CCDC50: variants seen among roughly 807,000 people sequenced by gnomAD.
The protein encoded by CCDC50 is coiled-coil domain containing 50, also known as coiled-coil domain-containing protein 50.
A neutral mutation model predicts 70.2 loss-of-function variants in CCDC50; 54 were observed. The observed-to-expected ratio is 0.77, with a 90% CI of 0.62 to 0.96. The LOEUF (loss-of-function observed/expected upper bound fraction) is 0.96. Ranked by LOEUF, CCDC50 falls within the 50% of genes least tolerant of loss-of-function variation. The pLI, the probability that CCDC50 is intolerant of heterozygous loss-of-function variation, is 0.00. For synonymous variants in CCDC50, 216 were observed against 198.8 expected (o/e 1.09, Z -0.73); for missense variants, 558 against 578.7 (o/e 0.96, Z 0.37).
intron 5 of CCDC50, among the ~76,000 whole-genome samples, chr3:191,374,426 G>C (rs1713018696): frequency 6.6e-6 from 1 of 151,934 alleles, no homozygotes; most frequent in Non-Finnish European, 1.5e-5. Context: ...CAGATAACAG[G>C]GTCATGAACT....
At chr3:191,379,240 T>C (rs1560169637) in intron 6 of CCDC50, among the ~76,000 whole-genome samples, 1 of 151,996 alleles carries the variant, frequency 6.6e-6, no homozygotes, top group Non-Finnish European at 1.5e-5. Context: ...CTGTGGGGGT[T>C]GGGGCAAATA....
rs1713047216 is a variant in CCDC50 at position 191,375,072 on chromosome 3, G to T, written c.459G>T (p.Gly153=). Residue 153 remains glycine (G), a synonymous_variant, in exon 6 of 12, where the codon GGG becomes GGT. Coordinates refer to ENST00000392455, the MANE Select transcript of CCDC50 (RefSeq NM_178335.3). ...TCTGCCTCCACTCAGACCAACCAGG[G>T]TCAAGGAGGGCCAGGGAATTGGGTT... ...SYYYEDGDQP[G]SRRARELGSG... The T allele has an allele frequency of 6.2e-7, 1 of 1,613,218 alleles. No homozygotes were observed. Among genetic ancestry groups the T allele is most frequent in the Non-Finnish European group, 8.5e-7 (1 of 1,179,624 alleles).
chr3:191,342,228 G>C (rs1711756479), intron 1 of CCDC50, among the ~76,000 whole-genome samples: 2 of 152,192 alleles, frequency 1.3e-5, no homozygotes, highest in Non-Finnish European at 2.9e-5. Flanking sequence ...TATCAGAATG[G>C]AATTGCCAGT....
rs1485486601 is a variant in CCDC50, at chr3:191,392,676, T to C, written c.*916T>C. 1 of 152,242 alleles carries C rather than the reference T, an allele frequency of 6.6e-6. No homozygotes were observed. The highest frequency in any genetic ancestry group is 6.5e-5 in the Admixed American group (1 of 15,284). The allele number at this position is 152,242 out of a possible 1,614,324, so 9.4% of individuals were successfully genotyped here. ...TTGGTTTACATGCCAGTAATTAAAT[T>C]AATTCAACATGAAGTTGAATTTGAT... On this transcript the variant is annotated 3_prime_UTR_variant, in exon 12 of 12. Coordinates refer to ENST00000392455, the MANE Select transcript of CCDC50 (RefSeq NM_178335.3).
At position 191,396,214 on chromosome 3, in the gene CCDC50, A is replaced by T. The variant is rs965862895; in HGVS notation, c.*4454A>T. ...TATGCCAGCACTGTTTGTGAGGAGC[A>T]GTACTGCCTTAAATTAGTTTGACTC... On this transcript the variant is annotated 3_prime_UTR_variant, in exon 12 of 12. Coordinates refer to ENST00000392455, the MANE Select transcript of CCDC50 (RefSeq NM_178335.3). The T allele has an allele frequency of 2.6e-5, 4 of 152,204 alleles. No individual in the cohort carries two copies. The highest frequency in any genetic ancestry group is 9.6e-5 in the African/African-American group (4 of 41,458). The allele number at this position is 152,204 out of a possible 1,614,324, so 9.4% of individuals were successfully genotyped here. A position where few individuals can be genotyped will look rare whatever the true frequency, so the allele number is the denominator to read the frequency against.
At chr3:191,381,523 G>A (rs76029085) in intron 9 of CCDC50, among the ~76,000 whole-genome samples, 3 of 152,124 alleles carry the variant, frequency 2.0e-5, no homozygotes, top group African/African-American at 7.2e-5. Context: ...ATTTTGCTGC[G>A]GTAATTGTGA....
chr3:191,366,917 GATA>G (rs1392146812), intron 4 of CCDC50, among the ~76,000 whole-genome samples: 4 of 152,018 alleles, frequency 2.6e-5, no homozygotes, highest in Admixed American at 2.6e-4. Flanking sequence ...TACTGTGACT[GATA>G]ATTGCCATCG....
In CCDC50 at chr3:191,354,741, T is replaced by C. The variant is rs60204557; in HGVS notation, c.50-2347T>C. Among the ~76,000 whole-genome samples, 2 of 152,094 alleles carry C rather than the reference T, an allele frequency of 1.3e-5. 1 individual carries two copies. Among genetic ancestry groups the C allele is most frequent in the South Asian group, 4.1e-4 (2 of 4,830 alleles). On this transcript the variant is annotated intron_variant, in intron 1 of 11. Coordinates refer to ENST00000392455, the MANE Select transcript of CCDC50 (RefSeq NM_178335.3). ...CTGTACTGTGTGTGATTTATACTAG[T>C]CCCTTCGTATTTGTGGGGTGGGGTG...
intron 4 of CCDC50, among the ~76,000 whole-genome samples, chr3:191,368,506 A>G (rs960570586): frequency 7.9e-5 from 12 of 152,104 alleles, no homozygotes; most frequent in Non-Finnish European, 1.3e-4. Context: ...AGCTGAGGAT[A>G]TGGATAAATA....
chr3:191,361,513 A>G (rs560299627), intron 4 of CCDC50, among the ~76,000 whole-genome samples: 3 of 152,272 alleles, frequency 2.0e-5, no homozygotes, highest in African/African-American at 7.2e-5. Flanking sequence ...CCTCTTGGGA[A>G]GGATCCTTCC....
intron 11 of CCDC50, 128 bp downstream of exon 11, chr3:191,389,730 A>G (rs1576977895): frequency 2.8e-6 from 2 of 720,848 alleles, no homozygotes; most frequent in East Asian, 5.2e-5. Context: ...GCACATTGTT[A>G]TAGAACTCCT....
At chr3:191,379,982 C>T (rs1263148428) in intron 6 of CCDC50, among the ~76,000 whole-genome samples, 177 bp from the exon 7 acceptor site, 3 of 152,024 alleles carry the variant, frequency 2.0e-5, no homozygotes, top group Non-Finnish European at 2.9e-5. Flanking sequence ...ATCTACATTG[C>T]CACTTCCATT....
At position 191,392,687 on chromosome 3, in the gene CCDC50, GA is replaced by G. The variant is rs1204399858; in HGVS notation, c.*929del. On this transcript the variant is annotated 3_prime_UTR_variant, in exon 12 of 12. Coordinates refer to ENST00000392455, the MANE Select transcript of CCDC50 (RefSeq NM_178335.3). ...GCCAGTAATTAAATTAATTCAACAT[GA>G]AGTTGAATTTGATGAAGTGGTCATC... The G allele has an allele frequency of 1.3e-5, 2 of 152,186 alleles. No individual in the cohort carries two copies. The highest frequency in any genetic ancestry group is 2.9e-5 in the Non-Finnish European group (2 of 68,046). 9.4% of individuals were successfully genotyped at this position (152,186 alleles called of 1,614,324 possible).
chr3:191,345,785 T>A (rs1034912204), intron 1 of CCDC50, among the ~76,000 whole-genome samples: 1 of 152,230 alleles, frequency 6.6e-6, no homozygotes, highest in African/African-American at 2.4e-5. Flanking sequence ...TACGTGAGAA[T>A]GAAATGTTGG....
rs201801914 is a variant in CCDC50 at position 191,375,499 on chromosome 3, C to T, written c.886C>T (p.His296Tyr). The change falls in exon 6 of 12, where the codon CAT (histidine) becomes TAT (tyrosine). Residue 296 changes from histidine (H) to tyrosine (Y), a missense_variant. By Grantham distance (83) the His-to-Tyr change is moderately conservative (BLOSUM62 2). Coordinates refer to ENST00000392455, the MANE Select transcript of CCDC50 (RefSeq NM_178335.3). ...CAAGGAAGTTGTATATGGGAGGGAC[C>T]ATGGGCAAGGTGAGCACAGAAAAAG... ...HCKEVVYGRD[H>Y]GQGEHRKRRH... 6.2e-7 allele frequency: 1 copy of T among 1,613,534 alleles called. No individual in the cohort carries two copies. Among genetic ancestry groups the T allele is most frequent in the African/African-American group, 1.3e-5 (1 of 74,966 alleles).
chr3:191,357,081 A>G lies in CCDC50; in HGVS notation c.50-7A>G, dbSNP rs1163045631. ...CTTCCTGTCTGTTTTTCCTCCATCTACTCTAGTATGCCGAGATTTTGCTGT... is the reference window on the plus strand; with the variant it reads ...CTTCCTGTCTGTTTTTCCTCCATCTGCTCTAGTATGCCGAGATTTTGCTGT... On this transcript the variant is annotated splice_region_variant and splice_polypyrimidine_tract_variant and intron_variant, in intron 1 of 11. Coordinates refer to ENST00000392455, the MANE Select transcript of CCDC50 (RefSeq NM_178335.3). 4 of 1,597,964 alleles carry G rather than the reference A, an allele frequency of 2.5e-6. No homozygotes were observed. Among genetic ancestry groups the G allele is most frequent in the Admixed American group, 1.7e-5 (1 of 59,920 alleles).
intron 1 of CCDC50, among the ~76,000 whole-genome samples, chr3:191,349,826 G>T (rs1355151181): frequency 2.8e-5 from 4 of 140,772 alleles, no homozygotes; most frequent in African/African-American, 1.0e-4. Flanking sequence ...AAGTAAACTA[G>T]GTCTCATTTT....
chr3:191,340,998 T>TA (rs1711708897), intron 1 of CCDC50, among the ~76,000 whole-genome samples: 1 of 151,796 alleles, frequency 6.6e-6, no homozygotes, highest in Non-Finnish European at 1.5e-5. Context: ...ATTAATTTTT[T>TA]TTTTTTTGGT....
rs571405310 is a variant in CCDC50 at position 191,350,255 on chromosome 3, G to T, written c.50-6833G>T. Among the ~76,000 whole-genome samples the T allele has an allele frequency of 1.2e-4, 17 of 141,848 alleles. 3 individuals are homozygous for T. In the South Asian group the frequency reaches 2.9e-3, roughly 24 times the overall value. 93.1% of individuals were successfully genotyped at this position (141,848 alleles called of 152,430 possible). ...TTACCAAACTTTCACAAGACAAAATGTATCTCTTGAATATCTTTCTTGTTC... is the reference window on the plus strand; with the variant it reads ...TTACCAAACTTTCACAAGACAAAATTTATCTCTTGAATATCTTTCTTGTTC... On this transcript the variant is annotated intron_variant, in intron 1 of 11. Coordinates refer to ENST00000392455, the MANE Select transcript of CCDC50 (RefSeq NM_178335.3).
Sources: gnomAD v4.1 joint callset for allele counts (sites outside exome capture counted in the v4.1 genomes callset) on GRCh38, gnomAD v4.1.1 for gene constraint, MANE v1.5 for transcripts, NCBI Gene and HGNC (gene_info 2026-07-23, HGNC 2026-07-21) for gene names.